The following ZDHHC8 variants were observed in gnomAD, a reference collection of about 807,000 sequenced individuals.
The protein encoded by ZDHHC8 is zDHHC palmitoyltransferase 8.
Under a neutral mutation model 61.2 loss-of-function variants are expected in ZDHHC8, and 24 were observed. The ratio of observed to expected loss-of-function variants is 0.39; its 90% confidence interval spans 0.28 to 0.55. ZDHHC8 has a LOEUF of 0.55. Ranked by LOEUF, ZDHHC8 falls within the 20% of genes least tolerant of loss-of-function variation. The pLI, the probability that ZDHHC8 is intolerant of heterozygous loss-of-function variation, is 0.60. For synonymous variants in ZDHHC8, 523 were observed against 492.5 expected (o/e 1.06, Z -0.82); for missense variants, 935 against 1,102.1 (o/e 0.85, Z 2.15).
chr22:20,138,245 G>A (rs1164014422), intron 1 of ZDHHC8, among the ~76,000 whole-genome samples: 1 of 152,234 alleles, frequency 6.6e-6, no homozygotes, highest in Non-Finnish European at 1.5e-5. Flanking sequence ...CTGGGTGCAG[G>A]GAGGGACGCA....
rs77304385 is a variant in ZDHHC8 at position 20,132,361 on chromosome 22, C to A, written c.104+310C>A. On this transcript the variant is annotated intron_variant, in intron 1 of 10. Coordinates refer to ENST00000334554, the MANE Select transcript of ZDHHC8 (RefSeq NM_013373.4). ...TGGCAGGGGAGGAGGCCGGGCTGCCCTGGGTGTGGCTGCAGCCCTTCCCTC... is the reference window on the plus strand; with the variant it reads ...TGGCAGGGGAGGAGGCCGGGCTGCCATGGGTGTGGCTGCAGCCCTTCCCTC... Among the ~76,000 whole-genome samples the A allele has an allele frequency of 7.8e-3, 1,194 of 152,344 alleles. 18 individuals carry two copies. The highest frequency in any genetic ancestry group is 0.027 in the African/African-American group (1,128 of 41,594).
At chr22:20,136,931 C>T (rs1307230375) in intron 1 of ZDHHC8, among the ~76,000 whole-genome samples, 1 of 152,262 alleles carries the variant, frequency 6.6e-6, no homozygotes, top group Non-Finnish European at 1.5e-5. Context: ...CTCATCTTCT[C>T]TCCCACTGAG....
In ZDHHC8 at chr22:20,141,633, C is replaced by T. The variant is rs2148007692; in HGVS notation, c.1125+103C>T. 3.1e-6 allele frequency: 3 copies of T among 972,618 alleles called. No homozygotes were observed. In the South Asian group the frequency reaches 5.0e-5, roughly 16 times the overall value. The allele number at this position is 972,618 out of a possible 1,614,324, so 60.2% of individuals were successfully genotyped here. ...CCCGTGAAGGCCCCACCTCCAGAGC[C>T]CCATCTCTCCAGCAGAGGCCACATC... On this transcript the variant is annotated intron_variant, in intron 9 of 10. Transcript: ENST00000334554.
chr22:20,138,737 C>G (rs566986156), intron 1 of ZDHHC8, among the ~76,000 whole-genome samples: 3 of 152,264 alleles, frequency 2.0e-5, no homozygotes, highest in Admixed American at 6.5e-5. Flanking sequence ...ACTTACTGAC[C>G]AAGGACTGGG....
Position 20,143,420 on chromosome 22 carries a change from C to A in ZDHHC8, c.1790C>A (p.Pro597His). 1 of 1,596,104 alleles carries A rather than the reference C, an allele frequency of 6.3e-7. No individual in the cohort carries two copies. The highest frequency in any genetic ancestry group is 1.1e-5 in the South Asian group (1 of 90,026). ...LQQASVLSEGPRGPALRYGSR... is the reference protein window; with the variant it reads ...LQQASVLSEGHRGPALRYGSR... ...CAGGCCAGTGTGCTGTCCGAGGGCC[C>A]CCGAGGTCCCGCGCTGCGCTATGGC... Residue 597 changes from proline to histidine, a missense_variant, in exon 10 of 11, where the codon CCC becomes CAC. By Grantham distance (77) the Pro-to-His change is moderately conservative (BLOSUM62 -2). Coordinates refer to ENST00000334554, the MANE Select transcript of ZDHHC8 (RefSeq NM_013373.4).
chr22:20,137,155 C>T (rs897115893), intron 1 of ZDHHC8, among the ~76,000 whole-genome samples: 9 of 152,252 alleles, frequency 5.9e-5, no homozygotes, highest in African/African-American at 7.2e-5. Flanking sequence ...GGCAGGTACC[C>T]GCACTGGGCA....
chr22:20,141,623 C>A, intron 9 of ZDHHC8, 93 bp downstream of exon 9: 1 of 1,026,990 alleles, frequency 9.7e-7, no homozygotes, highest in Non-Finnish European at 1.4e-6. Flanking sequence ...GAAGGCCCCA[C>A]CTCCAGAGCC....
rs748147839 is a variant in ZDHHC8, at chr22:20,145,368, G to A, written c.2266G>A (p.Val756Met). ...RHTLVKKVSG[V>M]GGTTYEISV The stretch of plus-strand genomic sequence containing the variant: ...CACGCTGGTTAAGAAGGTGTCCGGC[G>A]TGGGTGGGACCACCTACGAGATCTC... The change falls in exon 11 of 11, where the codon GTG (valine) becomes ATG (methionine). Residue 756 changes from valine to methionine, a missense_variant. Val to Met is a conservative substitution (Grantham distance 21). Around this residue, in one of 3 missense-constraint regions of ZDHHC8, gnomAD observed 692 missense variants for 731.4 expected, o/e 0.95. Transcript: ENST00000334554. 6 of 1,574,282 alleles carry A rather than the reference G, an allele frequency of 3.8e-6. No homozygotes were observed. Among genetic ancestry groups the A allele is most frequent in the African/African-American group, 1.4e-5 (1 of 72,786 alleles).
Position 20,140,477 on chromosome 22 carries a change from G to C in ZDHHC8, c.661-140G>C, listed in dbSNP as rs1256256523. 3.2e-6 allele frequency: 3 copies of C among 948,628 alleles called. No homozygotes were observed. In the African/African-American group the frequency reaches 5.0e-5, roughly 16 times the overall value. 58.8% of individuals were successfully genotyped at this position (948,628 alleles called of 1,614,324 possible). ...TTCAGGCTGGGTAACCTATGTGAGG[G>C]GCAGCCCTGGGCTGATCCCACCTAA... On this transcript the variant is annotated intron_variant, in intron 5 of 10. Coordinates refer to ENST00000334554, the MANE Select transcript of ZDHHC8 (RefSeq NM_013373.4).
rs921171271 is a variant in ZDHHC8, at chr22:20,141,020, C to T, written c.894+8C>T. ...GGCCTGGGCCGTAGCAAGGTGGGCGCCTGGGCTTAGGGATGGGCTGGCAGT... is the reference window on the plus strand; with the variant it reads ...GGCCTGGGCCGTAGCAAGGTGGGCGTCTGGGCTTAGGGATGGGCTGGCAGT... On this transcript the variant is annotated splice_region_variant and intron_variant, in intron 7 of 10. Coordinates refer to ENST00000334554, the MANE Select transcript of ZDHHC8 (RefSeq NM_013373.4). The T allele has an allele frequency of 1.9e-6, 3 of 1,610,324 alleles. No homozygotes were observed. Among genetic ancestry groups the T allele is most frequent in the Non-Finnish European group, 2.5e-6 (3 of 1,179,906 alleles).
chr22:20,132,908 A>G (rs1443163271), intron 1 of ZDHHC8, among the ~76,000 whole-genome samples: 2 of 152,138 alleles, frequency 1.3e-5, no homozygotes, highest in Admixed American at 6.5e-5. Flanking sequence ...CAGATCTTCA[A>G]CCACCCACCC....
chr22:20,143,671 C>T lies in ZDHHC8; in HGVS notation c.2041C>T (p.His681Tyr). 1 of 1,609,708 alleles carries T rather than the reference C, an allele frequency of 6.2e-7. No individual in the cohort carries two copies. The highest frequency in any genetic ancestry group is 8.5e-7 in the Non-Finnish European group (1 of 1,179,444). The change falls in exon 10 of 11, where the codon CAC (histidine) becomes TAC (tyrosine). Residue 681 changes from histidine (H) to tyrosine (Y), a missense_variant. Coordinates refer to ENST00000334554, the MANE Select transcript of ZDHHC8 (RefSeq NM_013373.4). ...CCTGCCCTCCCCGCCCGGCACTCCC[C>T]ACTCACCATCCTACGCGGGCCCCAA... ...QGLPSPPGTPHSPSYAGPKAV... is the reference protein window; with the variant it reads ...QGLPSPPGTPYSPSYAGPKAV...
At chr22:20,135,248 C>T (rs1039041266) in intron 1 of ZDHHC8, among the ~76,000 whole-genome samples, 2 of 152,088 alleles carry the variant, frequency 1.3e-5, no homozygotes, top group Admixed American at 6.6e-5. Flanking sequence ...CCGGCCCCTT[C>T]CTATGTTTCT....
rs770302814 is a variant in ZDHHC8, at chr22:20,145,320, C to T, written c.2218C>T (p.Pro740Ser). ...RLGPATGPPGPSASPTRHTLV... is the reference protein window; with the variant it reads ...RLGPATGPPGSSASPTRHTLV... ...GGGACCTGCCACCGGCCCCCCAGGG[C>T]CCTCTGCCAGCCCTACACGGCACAC... The change falls in exon 11 of 11, where the codon CCC becomes TCC. Residue 740 changes from proline to serine, a missense_variant. Physicochemically the swap from Pro to Ser is moderately conservative, Grantham distance 74. This residue lies in a region of ZDHHC8 where 692 missense variants were observed against 731.4 expected (regional missense o/e 0.95). Coordinates refer to ENST00000334554, the MANE Select transcript of ZDHHC8 (RefSeq NM_013373.4). The T allele has an allele frequency of 5.0e-6, 8 of 1,598,662 alleles. No individual in the cohort carries two copies. The South Asian group carries it at 8.9e-5, about 18-fold the overall frequency.
In ZDHHC8 at chr22:20,145,968, T is replaced by C; in HGVS notation, c.*568T>C. On this transcript the variant is annotated 3_prime_UTR_variant, in exon 11 of 11. Transcript: ENST00000334554. ...TGCCCTGGCCTGCTCTGGGTGGTGG[T>C]GGATAGGTGGACAGACGGCCAGCCA... 1 of 985,624 alleles carries C rather than the reference T, an allele frequency of 1.0e-6. No homozygotes were observed. Among genetic ancestry groups the C allele is most frequent in the Non-Finnish European group, 1.2e-6 (1 of 830,006 alleles). The allele number at this position is 985,624 out of a possible 1,614,324, so 61.1% of individuals were successfully genotyped here. A position where few individuals can be genotyped will look rare whatever the true frequency, so the allele number is the denominator to read the frequency against.
rs2286930 is a variant in ZDHHC8 at position 20,141,357 on chromosome 22, G to A, written c.1015+20G>A. The A allele has an allele frequency of 0.056, 90,187 of 1,611,252 alleles. 2,720 individuals are homozygous for A. The highest frequency in any genetic ancestry group is 0.099 in the South Asian group (8,990 of 90,854). On this transcript the variant is annotated intron_variant, in intron 8 of 10. Transcript: ENST00000334554. ...GTGCTGGTGAGGTTGGGGCAGCCAC[G>A]ACTAGGGAGGGATATGGGTTGACCC...
intron 9 of ZDHHC8, among the ~76,000 whole-genome samples, chr22:20,142,508 T>C (rs988600006): frequency 1.2e-4 from 18 of 152,188 alleles, no homozygotes; most frequent in Non-Finnish European, 2.1e-4. Context: ...CCCCTGGGGC[T>C]GCATGGCTCC....
chr22:20,146,960 TA>T lies in ZDHHC8; in HGVS notation c.*1561del, dbSNP rs1257946093. The T allele has an allele frequency of 1.5e-6, 2 of 1,371,240 alleles. No homozygotes were observed. The highest frequency in any genetic ancestry group is 1.9e-6 in the Non-Finnish European group (2 of 1,065,196). 84.9% of individuals were successfully genotyped at this position (1,371,240 alleles called of 1,614,324 possible). On this transcript the variant is annotated 3_prime_UTR_variant, in exon 11 of 11. Transcript: ENST00000334554. ...CCCAGCGTGGGAGGCGTGCGGGCTG[TA>T]GGGCCCCGAAGCTGACCTCCACCTT... is the stretch of plus-strand genomic sequence containing the variant.
At chr22:20,136,412 G>A (rs1262373102) in intron 1 of ZDHHC8, among the ~76,000 whole-genome samples, 1 of 152,222 alleles carries the variant, frequency 6.6e-6, no homozygotes, top group East Asian at 1.9e-4. Flanking sequence ...GCATGTCCTT[G>A]TGTGTCCTCC....
Sources: allele counts gnomAD v4.1 joint callset (sites outside exome capture counted in the v4.1 genomes callset), GRCh38; gene constraint gnomAD v4.1.1; regional missense constraint gnomAD v4.1.1; transcripts MANE v1.5; gene names NCBI Gene and HGNC (gene_info 2026-07-23, HGNC 2026-07-21).